The following DCUN1D3 variants were observed in gnomAD, a reference collection of about 807,000 sequenced individuals.
DCUN1D3 encodes defective in cullin neddylation 1 domain containing 3.
DCUN1D3 carries 6 observed loss-of-function variants against 24.8 expected under a neutral mutation model. The observed-to-expected ratio is 0.24, with a 90% CI of 0.13 to 0.48. DCUN1D3 has a LOEUF of 0.48. Ranked by LOEUF, DCUN1D3 falls within the 20% of genes least tolerant of loss-of-function variation. The pLI, the probability that DCUN1D3 is intolerant of heterozygous loss-of-function variation, is 0.99. For missense variants in DCUN1D3, 258 were observed against 379.4 expected, an observed-to-expected ratio of 0.68 and a Z score of 2.66; for synonymous variants, 120 against 144.9, an observed-to-expected ratio of 0.83 and a Z score of 1.24.
At chr16:20,887,144 T>C (rs2081871362) in intron 1 of DCUN1D3, among the ~76,000 whole-genome samples, 1 of 151,876 alleles carries the variant, frequency 6.6e-6, no homozygotes, top group African/African-American at 2.4e-5. Flanking sequence ...TGCAACCCTG[T>C]TACAAAAATT....
At chr16:20,873,310 C>T (rs1219829299) in intron 1 of DCUN1D3, among the ~76,000 whole-genome samples, 1 of 152,170 alleles carries the variant, frequency 6.6e-6, no homozygotes, top group Non-Finnish European at 1.5e-5. Context: ...TCCTCACACT[C>T]CCTCCAAGGA....
intron 1 of DCUN1D3, among the ~76,000 whole-genome samples, chr16:20,889,181 C>T (rs1341837762): frequency 1.4e-5 from 2 of 146,644 alleles, no homozygotes; most frequent in African/African-American, 2.5e-5. Context: ...GCTGAGATCG[C>T]ACCACTGCAC....
At position 20,856,766 on chromosome 16, in the gene DCUN1D3, T is replaced by C. The variant is rs1243934550; in HGVS notation, c.*3120A>G. The C allele has an allele frequency of 6.6e-6, 1 of 152,108 alleles. No individual in the cohort carries two copies. Among genetic ancestry groups the C allele is most frequent in the Non-Finnish European group, 1.5e-5 (1 of 68,028 alleles). 9.4% of individuals were successfully genotyped at this position (152,108 alleles called of 1,614,324 possible). On this transcript the variant is annotated 3_prime_UTR_variant, in exon 3 of 3. Transcript: ENST00000324344. ...AGCAATTCAATGAAGCAGCACGTCA[T>C]CTCATACCATCTTTCCAATAAACTG...
intron 1 of DCUN1D3, among the ~76,000 whole-genome samples, chr16:20,882,732 G>A (rs2081850613): frequency 2.0e-5 from 3 of 152,198 alleles, no homozygotes; most frequent in Non-Finnish European, 2.9e-5. Context: ...CCTGAAACAC[G>A]ATGTGTCCAA....
chr16:20,880,940 T>C (rs1380942024), intron 1 of DCUN1D3, among the ~76,000 whole-genome samples: 1 of 152,198 alleles, frequency 6.6e-6, no homozygotes, highest in African/African-American at 2.4e-5. Context: ...AGGATGCTTT[T>C]CAAAGCTATT....
chr16:20,866,556 C>T (rs1235170073), intron 1 of DCUN1D3, among the ~76,000 whole-genome samples: 1 of 152,206 alleles, frequency 6.6e-6, no homozygotes, highest in Non-Finnish European at 1.5e-5. Context: ...GCCCTAATCC[C>T]ATTGAGCCAA....
Position 20,858,085 on chromosome 16 carries a change from G to A in DCUN1D3, c.*1801C>T, listed in dbSNP as rs558706770. On this transcript the variant is annotated 3_prime_UTR_variant, in exon 3 of 3. Coordinates refer to ENST00000324344, the MANE Select transcript of DCUN1D3 (RefSeq NM_173475.4). ...CTCAAGAGTATAAATATTTTTATACGTTTTTATTTAAAAGATTCCCTTTTT... is the reference window on the plus strand; with the variant it reads ...CTCAAGAGTATAAATATTTTTATACATTTTTATTTAAAAGATTCCCTTTTT... 4.6e-5 allele frequency: 7 copies of A among 152,696 alleles called. No individual in the cohort carries two copies. The highest frequency in any genetic ancestry group is 1.9e-4 in the East Asian group (1 of 5,180). The allele number at this position is 152,696 out of a possible 1,614,324, so 9.5% of individuals were successfully genotyped here. A position where few individuals can be genotyped will look rare whatever the true frequency, so the allele number is the denominator to read the frequency against.
At position 20,860,082 on chromosome 16, in the gene DCUN1D3, C is replaced by T; in HGVS notation, c.719G>A (p.Arg240Gln). 5 of 1,614,204 alleles carry T rather than the reference C, an allele frequency of 3.1e-6. No homozygotes were observed. The highest frequency in any genetic ancestry group is 1.1e-5 in the South Asian group (1 of 91,080). ...GTTAAGGAACATGTTCCAAGTGTCC[C>T]GGGAGATGCCCTTGATCCCCGAGGG... ...ENPSGIKGISRDTWNMFLNFT... is the reference protein window; with the variant it reads ...ENPSGIKGISQDTWNMFLNFT... Residue 240 changes from arginine (R) to glutamine (Q), a missense_variant, in exon 3 of 3, where the codon CGG (arginine) becomes CAG (glutamine). Arg to Gln is a conservative substitution (Grantham distance 43, BLOSUM62 1). Transcript: ENST00000324344. The surrounding 1 kb of genome is among the most constrained non-coding windows in gnomAD (Gnocchi z 4.3).
At chr16:20,897,692 T>C (rs2081922490) in intron 1 of DCUN1D3, among the ~76,000 whole-genome samples, 1 of 152,200 alleles carries the variant, frequency 6.6e-6, no homozygotes, top group Non-Finnish European at 1.5e-5. Context: ...AGAGAACTTA[T>C]TATGCAGTTT....
At chr16:20,868,720 T>C (rs2081774400) in intron 1 of DCUN1D3, among the ~76,000 whole-genome samples, 1 of 152,072 alleles carries the variant, frequency 6.6e-6, no homozygotes. Flanking sequence ...CTGCTCACAA[T>C]AAGTGACCAT....
At chr16:20,884,735 C>T (rs956967812) in intron 1 of DCUN1D3, among the ~76,000 whole-genome samples, 7 of 152,038 alleles carry the variant, frequency 4.6e-5, no homozygotes, top group African/African-American at 9.7e-5. Flanking sequence ...ATGACAAAAT[C>T]GAAATTTACA....
intron 1 of DCUN1D3, among the ~76,000 whole-genome samples, chr16:20,876,255 C>CT (rs2081814697): frequency 6.6e-6 from 1 of 152,310 alleles, no homozygotes; most frequent in South Asian, 2.1e-4. Flanking sequence ...GCTCGAGCCA[C>CT]TGTGCCCGAC....
At chr16:20,868,999 T>TC (rs1449208211) in intron 1 of DCUN1D3, 1 of 152,908 alleles carries the variant, frequency 6.5e-6, no homozygotes, top group Non-Finnish European at 1.5e-5. Flanking sequence ...TCTCCCTCCC[T>TC]CCTCTGCACA....
At chr16:20,887,669 A>ATG (rs2081873601) in intron 1 of DCUN1D3, among the ~76,000 whole-genome samples, 1 of 152,236 alleles carries the variant, frequency 6.6e-6, no homozygotes, top group Non-Finnish European at 1.5e-5. Context: ...GAGTTCACCA[A>ATG]CAAGTAAACT....
chr16:20,881,960 G>A (rs138213844), intron 1 of DCUN1D3, among the ~76,000 whole-genome samples: 153 of 151,664 alleles, frequency 1.0e-3, no homozygotes, highest in East Asian at 8.6e-3. Flanking sequence ...ATGGTACCAC[G>A]CCCAGCTAAT....
chr16:20,864,640 G>T (rs1408438825), intron 1 of DCUN1D3, among the ~76,000 whole-genome samples: 1 of 152,136 alleles, frequency 6.6e-6, no homozygotes, highest in African/African-American at 2.4e-5. Context: ...CCATTACTGG[G>T]CATATACCCA....
chr16:20,863,405 C>A (rs1188057005), intron 1 of DCUN1D3, among the ~76,000 whole-genome samples: 1 of 152,140 alleles, frequency 6.6e-6, no homozygotes, highest in Non-Finnish European at 1.5e-5. Context: ...TCCTATAGGG[C>A]CTATAGGCTG....
At chr16:20,870,346 T>G (rs1298128445) in intron 1 of DCUN1D3, among the ~76,000 whole-genome samples, 1 of 152,142 alleles carries the variant, frequency 6.6e-6, no homozygotes, top group Non-Finnish European at 1.5e-5. Flanking sequence ...GCAGGGCTAC[T>G]CCAATCTGAA....
chr16:20,892,446 C>A (rs1446598139), intron 1 of DCUN1D3, among the ~76,000 whole-genome samples: 2 of 152,138 alleles, frequency 1.3e-5, no homozygotes, highest in East Asian at 3.8e-4. Context: ...TATTATTCAC[C>A]TCCCCCTCCT....
Sources: gnomAD v4.1 joint callset for allele counts (sites outside exome capture counted in the v4.1 genomes callset) on GRCh38, gnomAD v4.1.1 for gene constraint, Gnocchi (gnomAD v3.1) non-coding constraint, MANE v1.5 for transcripts, NCBI Gene and HGNC (gene_info 2026-07-23, HGNC 2026-07-21) for gene names.